The following EEFSEC variants were observed in gnomAD, a reference collection of about 807,000 sequenced individuals.
The protein encoded by EEFSEC is eukaryotic elongation factor, selenocysteine-tRNA specific, also known as selenocysteine-specific elongation factor.
In EEFSEC, 43 loss-of-function variants were observed where a neutral mutation model predicts 42.1. That is an observed-to-expected ratio of 1.02 (90% CI 0.80 to 1.32). The LOEUF (loss-of-function observed/expected upper bound fraction) is 1.32. Ranked by LOEUF, EEFSEC falls within the 40% of genes most tolerant of loss-of-function variation. EEFSEC has a pLI of 0.00. For synonymous variants in EEFSEC, 354 were observed against 339.1 expected (o/e 1.04, Z -0.48); for missense variants, 745 against 803.6 (o/e 0.93, Z 0.88).
intron 1 of EEFSEC, among the ~76,000 whole-genome samples, chr3:128,161,208 T>C (rs1361325463): frequency 6.6e-6 from 1 of 152,148 alleles, no homozygotes; most frequent in Non-Finnish European, 1.5e-5. Context: ...CTTGAATCCA[T>C]TTTAGAGTAT....
chr3:128,425,059 T>C, the EEFSEC span, among the ~76,000 whole-genome samples: 3 of 152,056 alleles, frequency 2.0e-5, no homozygotes, highest in Admixed American at 2.0e-4. Flanking sequence ...TCACATACAG[T>C]AAAAATCACC....
intron 5 of EEFSEC, among the ~76,000 whole-genome samples, chr3:128,345,788 C>G (rs1023872469): frequency 6.6e-6 from 1 of 152,218 alleles, no homozygotes; most frequent in Non-Finnish European, 1.5e-5. Flanking sequence ...GAGCACTTTC[C>G]GCCAGGGGGG....
chr3:128,370,011 G>A lies in EEFSEC; in HGVS notation c.1600+11638G>A, dbSNP rs564923720. Among the ~76,000 whole-genome samples, 9 of 152,304 alleles carry A rather than the reference G, an allele frequency of 5.9e-5. No homozygotes were observed. The South Asian group carries it at 1.4e-3, about 25-fold the overall frequency. On this transcript the variant is annotated intron_variant, in intron 6 of 6. Transcript: ENST00000254730. ...TCCATTTTCAGATTCCCCAACTGTC[G>A]CAATAGTGTCTTAGGAAGTTTTCCA...
At chr3:128,274,985 A>C (rs962296600) in intron 4 of EEFSEC, among the ~76,000 whole-genome samples, 7 of 152,202 alleles carry the variant, frequency 4.6e-5, no homozygotes, top group Non-Finnish European at 8.8e-5. Context: ...TGCAGAAGCA[A>C]GGGGTGAGAT....
intron 4 of EEFSEC, among the ~76,000 whole-genome samples, chr3:128,265,365 C>G (rs113279540): frequency 2.0e-4 from 31 of 152,284 alleles, no homozygotes; most frequent in African/African-American, 6.5e-4. Flanking sequence ...GTGGTTGGTG[C>G]CTTCCCATCA....
At chr3:128,163,666 A>G (rs1047699075) in intron 1 of EEFSEC, among the ~76,000 whole-genome samples, 20 of 151,966 alleles carry the variant, frequency 1.3e-4, no homozygotes, top group Admixed American at 3.3e-4. Flanking sequence ...TCGTCACCCC[A>G]TAAAGAAACC....
intron 1 of EEFSEC, among the ~76,000 whole-genome samples, chr3:128,170,597 A>G (rs185209809): frequency 2.0e-5 from 3 of 152,206 alleles, no homozygotes; most frequent in Admixed American, 6.5e-5. Context: ...CAACACCCCC[A>G]GCTTGGGGGA....
At chr3:128,387,404 G>A (rs894486328) in intron 6 of EEFSEC, among the ~76,000 whole-genome samples, 1 of 152,202 alleles carries the variant, frequency 6.6e-6, no homozygotes, top group Non-Finnish European at 1.5e-5. Context: ...AAGGTGCTGT[G>A]TGGCAAGACA....
In EEFSEC at chr3:128,264,753, G is replaced by T. The variant is rs2066335008; in HGVS notation, c.758G>T (p.Gly253Val). ...GTILSGSISL[G>V]DSVEIPALKV... is the part of the protein sequence containing the mutation. The stretch of plus-strand genomic sequence containing the variant: ...ATCCTTTCAGGCTCCATCAGCCTCG[G>T]TGACAGTGTGGAGATCCCTGCCCTC... Residue 253 changes from glycine to valine, a missense_variant, in exon 4 of 7, where the codon GGT becomes GTT. Physicochemically the swap from Gly to Val is moderately radical, Grantham distance 109 (BLOSUM62 -3). Transcript: ENST00000254730. The T allele has an allele frequency of 6.2e-7, 1 of 1,613,944 alleles. No individual in the cohort carries two copies. Among genetic ancestry groups the T allele is most frequent in the African/African-American group, 1.3e-5 (1 of 74,892 alleles).
chr3:128,204,695 G>C (rs1055412801), intron 1 of EEFSEC, among the ~76,000 whole-genome samples: 8 of 152,142 alleles, frequency 5.3e-5, no homozygotes, highest in Non-Finnish European at 1.2e-4. Flanking sequence ...ACAGCAGCAG[G>C]ATGTGTGTTG....
intron 1 of EEFSEC, among the ~76,000 whole-genome samples, chr3:128,189,770 G>C (rs112729859): frequency 2.6e-5 from 4 of 152,052 alleles, no homozygotes; most frequent in African/African-American, 9.6e-5. Context: ...ATGTTGCCCA[G>C]GCTGATCTCG....
intron 1 of EEFSEC, among the ~76,000 whole-genome samples, chr3:128,199,683 T>C (rs1189406747): frequency 6.6e-6 from 1 of 152,224 alleles, no homozygotes; most frequent in Non-Finnish European, 1.5e-5. Context: ...TTAAAAAGTA[T>C]TGCCAAATTG....
chr3:128,306,631 A>C (rs928363370), intron 4 of EEFSEC, among the ~76,000 whole-genome samples: 1 of 152,242 alleles, frequency 6.6e-6, no homozygotes, highest in African/African-American at 2.4e-5. Context: ...AGTTCTAAAA[A>C]AACTTTTTGA....
intron 4 of EEFSEC, among the ~76,000 whole-genome samples, chr3:128,269,661 C>T (rs1477520160): frequency 6.6e-6 from 1 of 152,238 alleles, no homozygotes; most frequent in Non-Finnish European, 1.5e-5. Context: ...CCCTGGCCCC[C>T]GTTTCTGTTG....
At chr3:128,318,081 C>G (rs538808159) in intron 4 of EEFSEC, among the ~76,000 whole-genome samples, 11 of 152,324 alleles carry the variant, frequency 7.2e-5, no homozygotes, top group African/African-American at 2.4e-4. Context: ...TGGACAGGAG[C>G]CCATCTGGCA....
chr3:128,348,277 C>CGT (rs772977211), intron 5 of EEFSEC, among the ~76,000 whole-genome samples: 30 of 78,030 alleles, frequency 3.8e-4, no homozygotes, highest in African/African-American at 7.6e-4. Flanking sequence ...TGTGCGTGTG[C>CGT]GTGTGTGTGT....
At chr3:128,277,690 C>T (rs1018496361) in intron 4 of EEFSEC, among the ~76,000 whole-genome samples, 1 of 150,798 alleles carries the variant, frequency 6.6e-6, no homozygotes, top group Non-Finnish European at 1.5e-5. Flanking sequence ...TTTGTGTGCT[C>T]GCATTTGCCT....
In EEFSEC at chr3:128,342,387, G is replaced by T. The variant is rs902384267; in HGVS notation, c.1443+498G>T. Among the ~76,000 whole-genome samples, 4 of 152,326 alleles carry T rather than the reference G, an allele frequency of 2.6e-5. No homozygotes were observed. In the East Asian group the frequency reaches 7.7e-4, roughly 29 times the overall value. ...CTGCCCATCAGTGGTGCCAGGCCAG[G>T]TCTTTCCTCACCTGTGGACTGAGGG... On this transcript the variant is annotated intron_variant, in intron 5 of 6. Transcript: ENST00000254730.
chr3:128,166,968 T>C (rs2065247704), intron 1 of EEFSEC, among the ~76,000 whole-genome samples: 1 of 152,000 alleles, frequency 6.6e-6, no homozygotes, highest in Non-Finnish European at 1.5e-5. Flanking sequence ...GTAGAAGTCT[T>C]TGTTTGCTCT....
Sources: gnomAD v4.1 joint callset for allele counts (sites outside exome capture counted in the v4.1 genomes callset) on GRCh38, gnomAD v4.1.1 for gene constraint, MANE v1.5 for transcripts, NCBI Gene and HGNC (gene_info 2026-07-23, HGNC 2026-07-21) for gene names.